Variants in SLC12A8 observed in about 807,000 individuals in gnomAD.
The protein encoded by SLC12A8 is solute carrier family 12 member 8.
In SLC12A8, 69 loss-of-function variants were observed where a neutral mutation model predicts 75.6. The observed-to-expected ratio is 0.91, with a 90% confidence interval of 0.75 to 1.11. The LOEUF (loss-of-function observed/expected upper bound fraction) is 1.11, where lower values mean the gene tolerates loss of function less well. Ranked by LOEUF, SLC12A8 falls within the 50% of genes most tolerant of loss-of-function variation. SLC12A8 has a pLI of 0.00. For synonymous variants in SLC12A8, 365 were observed against 372.8 expected, an observed-to-expected ratio of 0.98 and a Z score of 0.24; for missense variants, 877 against 896.7, an observed-to-expected ratio of 0.98 and a Z score of 0.28.
intron 8 of SLC12A8, among the ~76,000 whole-genome samples, chr3:125,115,351 G>A (rs1276155792): frequency 2.0e-5 from 3 of 151,972 alleles, no homozygotes; most frequent in South Asian, 2.1e-4. Flanking sequence ...GTGAAACCCC[G>A]TTTCTACTAA....
In SLC12A8 at chr3:125,110,304, C is replaced by A. The variant is rs1939155660; in HGVS notation, c.944G>T (p.Gly315Val). Residue 315 changes from glycine (G) to valine (V), a missense_variant, in exon 9 of 14, where the codon GGC (glycine) becomes GTC (valine). Gly to Val is a moderately radical substitution (Grantham distance 109). Coordinates refer to ENST00000469902, the MANE Select transcript of SLC12A8 (RefSeq NM_024628.6). ...VSLMGFLFLL[G>V]LYISSLASCM... ...GGAAGCCAGGGACGAGATGTATAAG[C>A]CCAAAAGGAACAGGAAGCCCATGAG... The A allele has an allele frequency of 3.7e-6, 6 of 1,613,962 alleles. No homozygotes were observed. Among genetic ancestry groups the A allele is most frequent in the Non-Finnish European group, 5.1e-6 (6 of 1,179,946 alleles).
intron 5 of SLC12A8, among the ~76,000 whole-genome samples, chr3:125,167,295 A>G (rs569969418): frequency 6.6e-6 from 1 of 152,200 alleles, no homozygotes; most frequent in Non-Finnish European, 1.5e-5. Context: ...GACTACAGGC[A>G]TGCACCGCAC....
intron 13 of SLC12A8, among the ~76,000 whole-genome samples, chr3:125,086,942 A>T (rs184577130): frequency 6.6e-6 from 1 of 152,328 alleles, no homozygotes; most frequent in Admixed American, 6.5e-5. Flanking sequence ...TTATTTGTGA[A>T]GAGTTGTCTT....
chr3:125,172,807 C>T (rs533766020), intron 5 of SLC12A8, among the ~76,000 whole-genome samples: 2 of 152,220 alleles, frequency 1.3e-5, no homozygotes, highest in South Asian at 2.1e-4. Flanking sequence ...GGAATTGTTT[C>T]GTTGTTTATA....
At chr3:125,198,968 T>C (rs35438504) in intron 2 of SLC12A8, among the ~76,000 whole-genome samples, 9,593 of 151,812 alleles carry the variant, frequency 0.063, 360 homozygotes, top group South Asian at 0.12. Context: ...TTAGTAGAGA[T>C]GGGGTTTCAC....
intron 5 of SLC12A8, among the ~76,000 whole-genome samples, chr3:125,162,091 T>A (rs1349590334): frequency 6.6e-6 from 1 of 152,252 alleles, no homozygotes; most frequent in Non-Finnish European, 1.5e-5. Flanking sequence ...GGTTGGCGCC[T>A]CTCTGGAGGG....
intron 4 of SLC12A8, among the ~76,000 whole-genome samples, chr3:125,178,971 ATATT>A (rs1012424991): frequency 1.3e-5 from 2 of 152,230 alleles, no homozygotes; most frequent in African/African-American, 4.8e-5. Flanking sequence ...CTTTTGGGAA[ATATT>A]TGAAAGATCA....
chr3:125,181,720 T>C (rs994715895), intron 4 of SLC12A8, among the ~76,000 whole-genome samples: 4 of 140,264 alleles, frequency 2.9e-5, no homozygotes, highest in African/African-American at 1.1e-4. Context: ...TAAAGAAATA[T>C]GAAATTAATG....
intron 13 of SLC12A8, among the ~76,000 whole-genome samples, chr3:125,087,547 C>G (rs1300240427): frequency 6.6e-6 from 1 of 152,166 alleles, no homozygotes; most frequent in African/African-American, 2.4e-5. Flanking sequence ...GTCTCAAAAA[C>G]AAACCAACAA....
intron 10 of SLC12A8, among the ~76,000 whole-genome samples, chr3:125,097,355 T>C (rs888917291): frequency 2.0e-4 from 30 of 151,878 alleles, no homozygotes; most frequent in African/African-American, 7.0e-4. Context: ...CACCACTGCA[T>C]TGTAGCATGG....
chr3:125,201,858 G>A (rs1935127617), intron 2 of SLC12A8, among the ~76,000 whole-genome samples: 1 of 152,098 alleles, frequency 6.6e-6, no homozygotes, highest in Non-Finnish European at 1.5e-5. Context: ...AATTATTGAA[G>A]AGCAAAAAGA....
At chr3:125,089,074 T>A (rs1938527767) in intron 12 of SLC12A8, among the ~76,000 whole-genome samples, 1 of 152,234 alleles carries the variant, frequency 6.6e-6, no homozygotes, top group African/African-American at 2.4e-5. Context: ...AATGCTTTCC[T>A]AAATTATACA....
chr3:125,197,550 G>A (rs923398449), intron 2 of SLC12A8, among the ~76,000 whole-genome samples: 7 of 152,148 alleles, frequency 4.6e-5, no homozygotes, highest in South Asian at 2.1e-4. Flanking sequence ...TCTCAGCCCT[G>A]CAGAGTGCTG....
intron 5 of SLC12A8, among the ~76,000 whole-genome samples, chr3:125,157,338 A>C (rs1051645825): frequency 1.3e-5 from 2 of 151,946 alleles, no homozygotes; most frequent in African/African-American, 2.4e-5. Flanking sequence ...CAGTGGGGCC[A>C]TGTTCCGATA....
chr3:125,097,941 A>G (rs939492629), intron 10 of SLC12A8, among the ~76,000 whole-genome samples: 2 of 152,248 alleles, frequency 1.3e-5, no homozygotes, highest in Non-Finnish European at 2.9e-5. Flanking sequence ...TGCATCGTGC[A>G]TGTTAAAAAT....
At chr3:125,110,124 G>A (rs1444189042) in intron 9 of SLC12A8, 65 bp downstream of exon 9, 2 of 1,524,614 alleles carry the variant, frequency 1.3e-6, no homozygotes, top group African/African-American at 1.4e-5. Context: ...CAATTGATGG[G>A]CCAACAGTGA....
At chr3:125,174,334 T>C (rs1934475304) in intron 5 of SLC12A8, among the ~76,000 whole-genome samples, 1 of 152,102 alleles carries the variant, frequency 6.6e-6, no homozygotes, top group Admixed American at 6.6e-5. Context: ...AAACTGACAA[T>C]ACCAAATGCT....
chr3:125,135,867 T>A (rs2107761159), intron 5 of SLC12A8, 85 bp from the exon 6 acceptor site: 1 of 742,690 alleles, frequency 1.3e-6, no homozygotes. Flanking sequence ...ATTTCATATA[T>A]CGCTTTAAAT....
intron 5 of SLC12A8, among the ~76,000 whole-genome samples, chr3:125,163,175 G>A (rs1358367821): frequency 2.0e-5 from 3 of 152,020 alleles, no homozygotes; most frequent in Non-Finnish European, 2.9e-5. Flanking sequence ...GTACACACCT[G>A]TAGTCCCAGC....
Sources: gnomAD v4.1 joint callset for allele counts (sites outside exome capture counted in the v4.1 genomes callset) on GRCh38, gnomAD v4.1.1 for gene constraint, MANE v1.5 for transcripts, NCBI Gene and HGNC (gene_info 2026-07-23, HGNC 2026-07-21) for gene names.